The following ZC3H3 variants were observed in gnomAD, a reference collection of about 807,000 sequenced individuals.
ZC3H3 encodes the protein zinc finger CCCH domain-containing protein 3.
Under a neutral mutation model 77.3 loss-of-function variants are expected in ZC3H3, and 36 were observed. The ratio of observed to expected loss-of-function variants is 0.47; its 90% CI spans 0.36 to 0.61. ZC3H3 has a LOEUF of 0.61. Ranked by LOEUF, ZC3H3 falls within the 20% of genes least tolerant of loss-of-function variation. The pLI is 0.00. For missense variants in ZC3H3, 1,331 were observed against 1,312.2 expected, an observed-to-expected ratio of 1.01 and a Z score of -0.22; for synonymous variants, 626 against 555.2, an observed-to-expected ratio of 1.13 and a Z score of -1.79.
At chr8:143,518,887 C>A (rs1822148740) in intron 3 of ZC3H3, among the ~76,000 whole-genome samples, 1 of 152,230 alleles carries the variant, frequency 6.6e-6, no homozygotes, top group South Asian at 2.1e-4. Flanking sequence ...TGGCCTTGAC[C>A]GGGGTGGCAC....
At position 143,538,131 on chromosome 8, in the gene ZC3H3, A is replaced by C; in HGVS notation, c.1236T>G (p.Ser412=). The change falls in exon 2 of 12, where the codon TCT becomes TCG. Residue 412 remains serine, a synonymous_variant. Transcript: ENST00000262577. ...CTGGTCTGTCCCCCGACGGGGACCT[A>C]GACAGGACTGGGGAGAGCTGGGAGG... is the stretch of plus-strand genomic sequence containing the variant. ...DHASQLSPVL[S]RSPSGDRPAV... 1.2e-6 allele frequency: 2 copies of C among 1,613,156 alleles called. No individual in the cohort carries two copies. Among genetic ancestry groups the C allele is most frequent in the South Asian group, 2.2e-5 (2 of 91,088 alleles).
chr8:143,489,980 G>A (rs559206175), intron 4 of ZC3H3, among the ~76,000 whole-genome samples: 44 of 152,246 alleles, frequency 2.9e-4, no homozygotes, highest in South Asian at 8.3e-4. Context: ...CCTGAGCCAC[G>A]GGTCTCTGGA....
chr8:143,525,935 G>T (rs918439823), intron 3 of ZC3H3, among the ~76,000 whole-genome samples: 17 of 152,242 alleles, frequency 1.1e-4, no homozygotes, highest in Admixed American at 1.1e-3. Flanking sequence ...CCTGCCGTCC[G>T]CCTGGGCCTG....
At chr8:143,447,814 C>T (rs1042389845) in intron 9 of ZC3H3, among the ~76,000 whole-genome samples, 6 of 152,126 alleles carry the variant, frequency 3.9e-5, no homozygotes, top group East Asian at 1.9e-4. Flanking sequence ...GAACAGGACT[C>T]GGGGGATGGT....
At chr8:143,478,350 G>A (rs926823149) in intron 4 of ZC3H3, among the ~76,000 whole-genome samples, 7 of 152,196 alleles carry the variant, frequency 4.6e-5, no homozygotes, top group Admixed American at 6.5e-5. Flanking sequence ...AGCTGGCCAG[G>A]CCCAGGGAAG....
intron 3 of ZC3H3, among the ~76,000 whole-genome samples, chr8:143,523,871 A>G (rs961974129): frequency 2.6e-5 from 4 of 152,230 alleles, no homozygotes; most frequent in African/African-American, 9.6e-5. Context: ...GATGATGGAG[A>G]GCAAGCTGGC....
intron 5 of ZC3H3, among the ~76,000 whole-genome samples, chr8:143,470,968 C>G (rs374534): frequency 0.24 from 36,462 of 152,100 alleles, 4,831 homozygotes; most frequent in East Asian, 0.45. Context: ...CCAGCCCCAC[C>G]CCCTGCTCGG....
chr8:143,494,088 G>A lies in ZC3H3; in HGVS notation c.1715+13658C>T, dbSNP rs1435886825. ...AGCAGCACGTGGGGAAGCCTGGGGA[G>A]TGGGAGGGGAAGGGGAGCGCTGAGG... is the stretch of plus-strand genomic sequence containing the variant. On this transcript the variant is annotated intron_variant, in intron 4 of 11. Coordinates refer to ENST00000262577, the MANE Select transcript of ZC3H3 (RefSeq NM_015117.3). This position sits in a 1 kb window ranked among gnomAD's most constrained non-coding sequence, Gnocchi z 5.3. 6.6e-6 allele frequency among the ~76,000 whole-genome samples: 1 copy of A among 152,188 alleles called. No individual in the cohort carries two copies. Among genetic ancestry groups the A allele is most frequent in the African/African-American group, 2.4e-5 (1 of 41,454 alleles).
intron 5 of ZC3H3, among the ~76,000 whole-genome samples, chr8:143,468,986 C>T (rs1042138588): frequency 5.9e-5 from 9 of 152,230 alleles, no homozygotes; most frequent in Non-Finnish European, 1.2e-4. Flanking sequence ...GGCTTGGCCA[C>T]GTGGGCTGGA....
Position 143,539,221 on chromosome 8 carries a change from G to C in ZC3H3, c.146C>G (p.Ala49Gly), listed in dbSNP as rs751488554. ...TGGACGAGGGTAGCGGGCACTAAAG[G>C]CTCTGCCACTGTGGTAAGTGGGTGG... ...WQPPTYHSGR[A>G]FSARYPRPSR... The change falls in exon 2 of 12, where the codon GCC (alanine) becomes GGC (glycine). Residue 49 changes from alanine (A) to glycine (G), a missense_variant. Ala to Gly is a moderately conservative substitution (Grantham distance 60). This residue lies in a region of ZC3H3 where 978 missense variants were observed against 915.5 expected (regional missense o/e 1.07). Transcript: ENST00000262577. 6.2e-6 allele frequency: 10 copies of C among 1,612,912 alleles called. No homozygotes were observed. In the South Asian group the frequency reaches 8.8e-5, roughly 14 times the overall value.
At chr8:143,471,953 C>A (rs1028740166) in intron 5 of ZC3H3, among the ~76,000 whole-genome samples, 1 of 152,224 alleles carries the variant, frequency 6.6e-6, no homozygotes, top group Admixed American at 6.5e-5. Flanking sequence ...GCTGTGGCCT[C>A]GCCTGTCGAC....
chr8:143,455,159 C>G (rs916849760), intron 9 of ZC3H3, among the ~76,000 whole-genome samples: 1 of 151,778 alleles, frequency 6.6e-6, no homozygotes, highest in African/African-American at 2.4e-5. Flanking sequence ...ACTAAAAATA[C>G]AAACATTAGC....
Position 143,538,652 on chromosome 8 carries a change from T to C in ZC3H3, c.715A>G (p.Thr239Ala). 6.2e-7 allele frequency: 1 copy of C among 1,608,668 alleles called. No homozygotes were observed. Among genetic ancestry groups the C allele is most frequent in the Admixed American group, 1.7e-5 (1 of 60,018 alleles). ...AGCTTCCGGCCCAGGGCCACGCCAG[T>C]GCGTGGGGGCAGAGCGGAGGATGGG... ...SFPSSALPPR[T>A]GVALGRKLGS... is the part of the protein sequence containing the mutation. Residue 239 changes from threonine to alanine, a missense_variant, in exon 2 of 12, where the codon ACT becomes GCT. Physicochemically the swap from Thr to Ala is moderately conservative, Grantham distance 58. This residue lies in a region of ZC3H3 where 978 missense variants were observed against 915.5 expected (regional missense o/e 1.07). Coordinates refer to ENST00000262577, the MANE Select transcript of ZC3H3 (RefSeq NM_015117.3).
chr8:143,459,718 A>C (rs747526035), intron 9 of ZC3H3, among the ~76,000 whole-genome samples: 26 of 152,284 alleles, frequency 1.7e-4, no homozygotes, highest in Non-Finnish European at 3.1e-4. Flanking sequence ...CCACAAGATC[A>C]TTTCAATTGA....
chr8:143,450,751 T>TAA (rs1819968750), intron 9 of ZC3H3, among the ~76,000 whole-genome samples: 1 of 152,078 alleles, frequency 6.6e-6, no homozygotes, highest in South Asian at 2.1e-4. Flanking sequence ...AGGATGGTGC[T>TAA]AAACTATTAT....
At position 143,536,458 on chromosome 8, in the gene ZC3H3, G is replaced by A. The variant is rs182648445; in HGVS notation, c.1365-5C>T. ...CTTTTCTTGTCTCCAGGAAGGCTGT[G>A]GAGACAAAATACAGGCAGCTCTCAA... On this transcript the variant is annotated splice_region_variant and splice_polypyrimidine_tract_variant and intron_variant, in intron 2 of 11. Coordinates refer to ENST00000262577, the MANE Select transcript of ZC3H3 (RefSeq NM_015117.3). The A allele has an allele frequency of 6.7e-7, 1 of 1,494,594 alleles. No homozygotes were observed. The highest frequency in any genetic ancestry group is 9.0e-7 in the Non-Finnish European group (1 of 1,116,716). The allele number at this position is 1,494,594 out of a possible 1,614,324, so 92.6% of individuals were successfully genotyped here. A position where few individuals can be genotyped will look rare whatever the true frequency, so the allele number is the denominator to read the frequency against.
intron 5 of ZC3H3, among the ~76,000 whole-genome samples, chr8:143,474,922 C>G (rs1820686130): frequency 6.6e-6 from 1 of 152,242 alleles, no homozygotes; most frequent in East Asian, 1.9e-4. Flanking sequence ...GGCGCCGCGG[C>G]CCCAGGTGTG....
In ZC3H3 at chr8:143,530,797, C is replaced by A. The variant is rs1822577062; in HGVS notation, c.1561+5460G>T. Among the ~76,000 whole-genome samples, 1 of 152,120 alleles carries A rather than the reference C, an allele frequency of 6.6e-6. No homozygotes were observed. Among genetic ancestry groups the A allele is most frequent in the Admixed American group, 6.5e-5 (1 of 15,284 alleles). On this transcript the variant is annotated intron_variant, in intron 3 of 11. Coordinates refer to ENST00000262577, the MANE Select transcript of ZC3H3 (RefSeq NM_015117.3). This position sits in a 1 kb window ranked among gnomAD's most constrained non-coding sequence, Gnocchi z 4.3. ...ACAGTTATGTGAGTGGCAAACAGGA[C>A]ACCATTTTTCAGACTCCAAAAAGGT... is the stretch of plus-strand genomic sequence containing the variant.
At chr8:143,438,201 C>T in intron 11 of ZC3H3, 114 bp from the exon 12 acceptor site, 1 of 1,352,922 alleles carries the variant, frequency 7.4e-7, no homozygotes. Flanking sequence ...CAAGCACACA[C>T]AGCAAGGTCT....
Sources: gnomAD v4.1 joint callset for allele counts (sites outside exome capture counted in the v4.1 genomes callset) on GRCh38, gnomAD v4.1.1 for gene constraint, gnomAD v4.1.1 regional missense constraint, Gnocchi (gnomAD v3.1) non-coding constraint, MANE v1.5 for transcripts, NCBI Gene and HGNC (gene_info 2026-07-23, HGNC 2026-07-21) for gene names.